The following F8 variants were observed in gnomAD, a reference collection of about 807,000 sequenced individuals.
F8 encodes the protein coagulation factor VIII.
In F8, 12 loss-of-function variants were observed where a neutral mutation model predicts 140.6. The ratio of observed to expected loss-of-function variants is 0.09; its 90% CI spans 0.05 to 0.14. The LOEUF is 0.14. F8 is among the 10% of genes least tolerant of loss of function. The pLI is 1.00. For synonymous variants in F8, 585 were observed against 614.6 expected, an observed-to-expected ratio of 0.95 and a Z score of 0.71; for missense variants, 1,354 against 1,720.7, an observed-to-expected ratio of 0.79 and a Z score of 3.77.
intron 13 of F8, among the ~76,000 whole-genome samples, chrX:154,940,010 T>C (rs1232252642): frequency 9.0e-6 from 1 of 111,494 alleles, no homozygotes; most frequent in African/African-American, 3.3e-5. Flanking sequence ...CGAAAACCCA[T>C]CTGTACGTCA....
Position 154,931,614 on chromosome X carries a change from T to C in F8, c.2176A>G (p.Lys726Glu). The change falls in exon 14 of 26, where the codon AAG (lysine) becomes GAG (glutamate). Residue 726 changes from lysine (K) to glutamate (E), a missense_variant. Coordinates refer to ENST00000360256, the MANE Select transcript of F8 (RefSeq NM_000132.4). ...FRNRGMTALL[K>E]VSSCDKNTGD... ...GTGTTCTTGTCACAACTAGAAACCT[T>C]CAGTAAGGCGGTCATGCCTCTGTTC... The C allele has an allele frequency of 8.3e-7, 1 of 1,211,679 alleles. No individual in the cohort carries two copies. The highest frequency in any genetic ancestry group is 1.8e-5 in the South Asian group (1 of 56,996).
chrX:154,911,248 G>A (rs781968732), intron 14 of F8, among the ~76,000 whole-genome samples: 2 of 107,504 alleles, frequency 1.9e-5, no homozygotes, highest in African/African-American at 3.4e-5. Context: ...TCAGTCTCTC[G>A]TCCCACCTGA....
rs782799285 is a variant in F8 at position 154,930,412 on chromosome X, C to A, written c.3378G>T (p.Arg1126Ser). 5.8e-6 allele frequency: 7 copies of A among 1,209,940 alleles called. No homozygotes were observed. The highest frequency in any genetic ancestry group is 1.7e-5 in the African/African-American group (1 of 57,229). ...TCTTTCCATGAGTCCTTTGTATCCA[C>A]CTTGCTGATTCTGGCAAGAATAGCA... Reference protein sequence around the residue: ...FKMLFLPESARWIQRTHGKNS... With the variant: ...FKMLFLPESASWIQRTHGKNS... The change falls in exon 14 of 26, where the codon AGG becomes AGT. Residue 1126 changes from arginine to serine, a missense_variant. Physicochemically the swap from Arg to Ser is moderately radical, Grantham distance 110. This residue lies in a region of F8 where 658 missense variants were observed against 666.5 expected (regional missense o/e 0.99). Transcript: ENST00000360256.
At chrX:154,999,146 G>A (rs1009619884) in intron 2 of F8, among the ~76,000 whole-genome samples, 2 of 110,703 alleles carry the variant, frequency 1.8e-5, no homozygotes, top group Non-Finnish European at 3.8e-5. Flanking sequence ...GTTCTAAATC[G>A]ATAGGCTGAT....
intron 13 of F8, among the ~76,000 whole-genome samples, chrX:154,932,726 C>T (rs5987061): frequency 0.01 from 1,116 of 111,314 alleles, 15 homozygotes; most frequent in African/African-American, 0.035. Context: ...GTATCTCAAA[C>T]AAGAGTAAGA....
In F8 at chrX:155,005,449, TG is replaced by T. The variant is rs782808829; in HGVS notation, c.144-5850del. ...GCAGAAGTATGAATTGAGAGGGTGGTGGGGGGAGGGATCTAGAATGGGTAGT... is the reference window on the plus strand; with the variant it reads ...GCAGAAGTATGAATTGAGAGGGTGGTGGGGGAGGGATCTAGAATGGGTAGT... On this transcript the variant is annotated intron_variant, in intron 1 of 25. Coordinates refer to ENST00000360256, the MANE Select transcript of F8 (RefSeq NM_000132.4). Among the ~76,000 whole-genome samples, 4 of 87,445 alleles carry T rather than the reference TG, an allele frequency of 4.6e-5. No individual in the cohort carries two copies. In the East Asian group the frequency reaches 1.4e-3, roughly 30 times the overall value. 75.9% of individuals were successfully genotyped at this position (87,445 alleles called of 115,157 possible).
intron 10 of F8, 97 bp downstream of exon 10, chrX:154,960,978 T>C (rs2073392367): frequency 1.7e-6 from 1 of 591,195 alleles, no homozygotes; most frequent in African/African-American, 2.2e-5. Context: ...GGCCAACAGC[T>C]GGAGAAAGGA....
chrX:154,865,998 T>C lies in F8; in HGVS notation c.6430-2771A>G, dbSNP rs936120913. On this transcript the variant is annotated intron_variant, in intron 22 of 25. Coordinates refer to ENST00000360256, the MANE Select transcript of F8 (RefSeq NM_000132.4). ...ACAGGACCCAACTACATGTTGTTGA[T>C]AACAGACTCACTTTTGATTTAAGGA... Among the ~76,000 whole-genome samples, 96 of 111,371 alleles carry C rather than the reference T, an allele frequency of 8.6e-4. 2 individuals are homozygous for C. Among genetic ancestry groups the C allele is most frequent in the Non-Finnish European group, 3.2e-4 (17 of 53,025 alleles).
At chrX:154,990,662 A>C (rs931258196) in intron 4 of F8, among the ~76,000 whole-genome samples, 2 of 111,953 alleles carry the variant, frequency 1.8e-5, no homozygotes, top group Non-Finnish European at 3.8e-5. Context: ...TTAATGAGAA[A>C]GTGCCAAAAC....
At chrX:154,947,971 T>C in intron 12 of F8, 64 bp from the exon 13 acceptor site, 1 of 855,776 alleles carries the variant, frequency 1.2e-6, no homozygotes. Flanking sequence ...GGATTGTGAT[T>C]GTCATGATAC....
At chrX:154,951,358 CT>C (rs1557280719) in intron 12 of F8, among the ~76,000 whole-genome samples, 2 of 112,055 alleles carry the variant, frequency 1.8e-5, no homozygotes, top group Non-Finnish European at 3.8e-5. Context: ...TGAACTCTTT[CT>C]AAGAGGTAGC....
intron 14 of F8, among the ~76,000 whole-genome samples, chrX:154,921,263 A>C (rs6643715): frequency 0.43 from 47,508 of 111,182 alleles, 9,752 homozygotes; most frequent in African/African-American, 0.81. Context: ...ATGCAGCCAA[A>C]AGACACATGA....
chrX:154,846,978 GGT>G (rs1451665266), intron 25 of F8, among the ~76,000 whole-genome samples: 7 of 111,655 alleles, frequency 6.3e-5, no homozygotes, highest in Non-Finnish European at 1.1e-4. Context: ...GGGCAAGCCT[GGT>G]GGTGACAAAA....
Position 154,876,987 on chromosome X carries a change from AATC to A in F8, c.6430-13763_6430-13761del, listed in dbSNP as rs782745099. Reference sequence around the variant, plus strand: ...TAAAAGAAATTTGTTGCTACAGAATAATCATTGAGAAGTAGAAGAAGTTTTGAA... The same window carrying A: ...TAAAAGAAATTTGTTGCTACAGAATAATTGAGAAGTAGAAGAAGTTTTGAA... On this transcript the variant is annotated intron_variant, in intron 22 of 25. Coordinates refer to ENST00000360256, the MANE Select transcript of F8 (RefSeq NM_000132.4). 4.4e-5 allele frequency among the ~76,000 whole-genome samples: 5 copies of A among 112,530 alleles called. No individual in the cohort carries two copies. The East Asian group carries it at 1.4e-3, about 31-fold the overall frequency.
chrX:154,863,175 G>A lies in F8; in HGVS notation c.6482C>T (p.Pro2161Leu), dbSNP rs2072706887. The A allele has an allele frequency of 8.3e-7, 1 of 1,209,360 alleles. No individual in the cohort carries two copies. The highest frequency in any genetic ancestry group is 1.1e-6 in the Non-Finnish European group (1 of 893,205). ...SSGIKHNIFN[P>L]PIIARYIRLH... ...ACGGATGTATCGAGCAATAATTGGA[G>A]GGTTAAAAATATTGTGTTTTATCCC... is the stretch of plus-strand genomic sequence containing the variant. Residue 2161 changes from proline to leucine, a missense_variant, in exon 23 of 26, where the codon CCT (proline) becomes CTT (leucine). By Grantham distance (98) the Pro-to-Leu change is moderately conservative. Around this residue, in one of 4 missense-constraint regions of F8, gnomAD observed 316 missense variants for 485.4 expected, o/e 0.65. Transcript: ENST00000360256.
chrX:154,941,725 A>AC (rs1178434047), intron 13 of F8, among the ~76,000 whole-genome samples: 116 of 76,676 alleles, frequency 1.5e-3, no homozygotes, highest in Non-Finnish European at 3.3e-3. Context: ...TTTTTTCAGC[A>AC]CCACACCACA....
At chrX:155,017,093 G>A (rs1365464010) in intron 1 of F8, among the ~76,000 whole-genome samples, 1 of 112,648 alleles carries the variant, frequency 8.9e-6, no homozygotes, top group Non-Finnish European at 1.9e-5. Context: ...AGGCAAAAAA[G>A]GCCAGAGATA....
At chrX:154,975,008 T>A (rs1332641676) in intron 6 of F8, among the ~76,000 whole-genome samples, 3 of 111,410 alleles carry the variant, frequency 2.7e-5, no homozygotes, top group Non-Finnish European at 5.7e-5. Context: ...GTTTATTGAC[T>A]TTTTTTTATC....
chrX:154,934,379 T>C (rs909267196), intron 13 of F8, among the ~76,000 whole-genome samples: 15 of 111,713 alleles, frequency 1.3e-4, no homozygotes, highest in Non-Finnish European at 2.4e-4. Flanking sequence ...CATGAACCAC[T>C]GTGCCTGGCC....
Sources: gnomAD v4.1 joint callset for allele counts (sites outside exome capture counted in the v4.1 genomes callset) on GRCh38, gnomAD v4.1.1 for gene constraint, gnomAD v4.1.1 regional missense constraint, MANE v1.5 for transcripts, NCBI Gene and HGNC (gene_info 2026-07-23, HGNC 2026-07-21) for gene names.